PRELID2: variants seen among roughly 807,000 people sequenced by gnomAD.
PRELID2 encodes the protein PRELI domain containing 2.
A neutral mutation model predicts 28.4 loss-of-function variants in PRELID2; 25 were observed. That is an observed-to-expected ratio of 0.88 (90% CI 0.64 to 1.23). The LOEUF is 1.23. PRELID2 is among the 50% of genes most tolerant of loss of function. The pLI is 0.00. For missense variants in PRELID2, 201 were observed against 214.4 expected, an observed-to-expected ratio of 0.94 and a Z score of 0.39; for synonymous variants, 76 against 71.6, an observed-to-expected ratio of 1.06 and a Z score of -0.31.
At chr5:145,708,573 T>C (rs1403014578) in intron 1 of PRELID2, among the ~76,000 whole-genome samples, 1 of 152,222 alleles carries the variant, frequency 6.6e-6, no homozygotes, top group Non-Finnish European at 1.5e-5. Context: ...AAAAGATTTA[T>C]TTTCAAAGAC....
chr5:145,568,472 C>T (rs772464440), intron 1 of PRELID2, among the ~76,000 whole-genome samples: 3 of 152,102 alleles, frequency 2.0e-5, no homozygotes, highest in Non-Finnish European at 4.4e-5. Flanking sequence ...ATTAGATCAG[C>T]GATCATAATG....
intron 1 of PRELID2, among the ~76,000 whole-genome samples, chr5:145,522,881 A>G (rs527774385): frequency 6.6e-6 from 1 of 152,122 alleles, no homozygotes; most frequent in South Asian, 2.1e-4. Flanking sequence ...ACAAGAGGAG[A>G]GAAAAGAAAG....
the PRELID2 span, among the ~76,000 whole-genome samples, chr5:145,236,717 T>C: frequency 6.6e-6 from 1 of 152,134 alleles, no homozygotes; most frequent in Non-Finnish European, 1.5e-5. Context: ...AATGTAGATT[T>C]ACTGGGCACT....
chr5:145,687,696 C>T (rs927741065), intron 1 of PRELID2, among the ~76,000 whole-genome samples: 16 of 152,216 alleles, frequency 1.1e-4, no homozygotes, highest in African/African-American at 3.4e-4. Flanking sequence ...TTAGGGGATG[C>T]TCAATGATTT....
chr5:145,812,067 T>C (rs1178658984), intron 4 of PRELID2, among the ~76,000 whole-genome samples: 2 of 152,104 alleles, frequency 1.3e-5, no homozygotes, highest in South Asian at 2.1e-4. Context: ...AATACACCTA[T>C]ATCATTCCTC....
chr5:145,642,949 T>G (rs1252658375), intron 1 of PRELID2, among the ~76,000 whole-genome samples: 1 of 152,232 alleles, frequency 6.6e-6, no homozygotes, highest in Admixed American at 6.5e-5. Flanking sequence ...CAAGGTAGCA[T>G]GATGCCTCCA....
intron 4 of PRELID2, among the ~76,000 whole-genome samples, chr5:145,797,022 G>A (rs1169526903): frequency 6.6e-6 from 1 of 152,160 alleles, no homozygotes; most frequent in Non-Finnish European, 1.5e-5. Flanking sequence ...AGATTGGAAA[G>A]CCAGACACCT....
intron 1 of PRELID2, among the ~76,000 whole-genome samples, chr5:145,476,745 C>A (rs1044214051): frequency 6.6e-6 from 1 of 152,030 alleles, no homozygotes; most frequent in African/African-American, 2.4e-5. Context: ...ATGCATAGAT[C>A]TTGCTTCTAT....
intron 1 of PRELID2, among the ~76,000 whole-genome samples, chr5:145,488,456 T>G (rs1752241556): frequency 6.6e-6 from 1 of 152,178 alleles, no homozygotes; most frequent in South Asian, 2.1e-4. Context: ...CTGTTTTTGT[T>G]TAGTTCAGTT....
chr5:145,280,455 C>T, the PRELID2 span, among the ~76,000 whole-genome samples: 1 of 151,996 alleles, frequency 6.6e-6, no homozygotes, highest in African/African-American at 2.4e-5. Flanking sequence ...TCATGCAACT[C>T]TGTATGACAG....
the PRELID2 span, among the ~76,000 whole-genome samples, chr5:145,458,373 C>G: frequency 6.6e-6 from 1 of 152,262 alleles, no homozygotes; most frequent in Middle Eastern, 3.4e-3. Flanking sequence ...AAAATTTCCA[C>G]TATGTATTGT....
At chr5:145,349,524 G>C in the PRELID2 span, among the ~76,000 whole-genome samples, 8 of 151,894 alleles carry the variant, frequency 5.3e-5, no homozygotes, top group East Asian at 1.6e-3. Flanking sequence ...GTGCCTAGCA[G>C]GATAATTGTT....
Position 145,510,637 on chromosome 5 carries a change from T to C in PRELID2, n.71-37322A>G, listed in dbSNP as rs560786372. Among the ~76,000 whole-genome samples the C allele has an allele frequency of 4.6e-5, 7 of 152,340 alleles. No individual in the cohort carries two copies. In the East Asian group the frequency reaches 1.4e-3, roughly 29 times the overall value. ...AAGGCTGGAGGCAAAGCAGAGGTGATGCTAGCTATCTCCTGGAACTGTTGA... is the reference window on the plus strand; with the variant it reads ...AAGGCTGGAGGCAAAGCAGAGGTGACGCTAGCTATCTCCTGGAACTGTTGA... On this transcript the variant is annotated intron_variant and non_coding_transcript_variant, in intron 1 of 2. Coordinates refer to the PRELID2 transcript ENST00000510259.
At chr5:145,320,128 G>C in the PRELID2 span, among the ~76,000 whole-genome samples, 1 of 152,120 alleles carries the variant, frequency 6.6e-6, no homozygotes, top group Admixed American at 6.6e-5. Flanking sequence ...ATTTAGTCTG[G>C]CTACACACTG....
At chr5:145,724,600 AATAT>A (rs59677300) in intron 1 of PRELID2, among the ~76,000 whole-genome samples, 601 of 24,428 alleles carry the variant, frequency 0.025, 8 homozygotes, top group African/African-American at 0.03. Context: ...GAAGTAAATA[AATAT>A]ATATATATAT....
the PRELID2 span, among the ~76,000 whole-genome samples, chr5:145,246,065 G>A: frequency 6.6e-6 from 1 of 152,084 alleles, no homozygotes; most frequent in South Asian, 2.1e-4. Context: ...CTGAGGAAAC[G>A]AGATTTTACT....
chr5:145,299,122 A>C, the PRELID2 span, among the ~76,000 whole-genome samples: 1 of 151,972 alleles, frequency 6.6e-6, no homozygotes, highest in East Asian at 1.9e-4. Flanking sequence ...TCAACTCAAA[A>C]CCCATTTTGT....
the PRELID2 span, among the ~76,000 whole-genome samples, chr5:145,438,274 G>GA: frequency 6.6e-6 from 1 of 151,762 alleles, no homozygotes; most frequent in African/African-American, 2.4e-5. Flanking sequence ...AAATAGAAAA[G>GA]AAAAAAAGAA....
intron 1 of PRELID2, among the ~76,000 whole-genome samples, chr5:145,567,326 A>G (rs1223985949): frequency 1.4e-5 from 2 of 143,500 alleles, no homozygotes; most frequent in Non-Finnish European, 3.0e-5. Context: ...CATGACAGTG[A>G]GTTATCATGA....
Sources: allele counts gnomAD v4.1 joint callset (sites outside exome capture counted in the v4.1 genomes callset), GRCh38; gene constraint gnomAD v4.1.1; transcripts MANE v1.5; gene names NCBI Gene and HGNC (gene_info 2026-07-23, HGNC 2026-07-21).